The following PDCD6IP variants were observed in gnomAD, a reference collection of about 807,000 sequenced individuals.
PDCD6IP encodes programmed cell death 6-interacting protein.
In PDCD6IP, 43 loss-of-function variants were observed where a neutral mutation model predicts 103.7. The observed-to-expected ratio is 0.41, with a 90% confidence interval of 0.32 to 0.53. The LOEUF is 0.53. Among genes scored for constraint, PDCD6IP ranks in the 20% least tolerant of loss-of-function variants. PDCD6IP has a pLI of 0.16. For missense variants in PDCD6IP, 871 were observed against 1,036.7 expected (o/e 0.84, Z 2.20); for synonymous variants, 354 against 378.7 (o/e 0.93, Z 0.76).
At chr3:33,821,441 T>A (rs74680742) in intron 3 of PDCD6IP, among the ~76,000 whole-genome samples, 2 of 151,214 alleles carry the variant, frequency 1.3e-5, no homozygotes, top group African/African-American at 2.4e-5. Context: ...TTTTTTTTTT[T>A]AATCAGAGTT....
In PDCD6IP at chr3:33,865,315, G is replaced by C. The variant is rs116459194; in HGVS notation, c.2317G>C (p.Ala773Pro). 2.0e-4 allele frequency: 316 copies of C among 1,594,478 alleles called. 2 individuals carry two copies. The African/African-American group carries it at 3.3e-3, about 17-fold the overall frequency. The change falls in exon 17 of 18, where the codon GCT (alanine) becomes CCT (proline). Residue 773 changes from alanine to proline, a missense_variant. Physicochemically the swap from Ala to Pro is conservative, Grantham distance 27. Around this residue, in one of 5 missense-constraint regions of PDCD6IP, gnomAD observed 202 missense variants for 205.2 expected, o/e 0.98. Transcript: ENST00000307296. Reference protein sequence around the residue: ...LPANRAPSATAPSPVGAGTAA... With the variant: ...LPANRAPSATPPSPVGAGTAA... ...AGCAAATCGAGCTCCTTCTGCTACT[G>C]CTCCATCTCCAGTGGGGGCTGGGAC...
intron 7 of PDCD6IP, among the ~76,000 whole-genome samples, chr3:33,829,462 C>T (rs568274317): frequency 9.2e-5 from 14 of 151,634 alleles, no homozygotes; most frequent in Admixed American, 1.3e-4. Flanking sequence ...AACTTGAGGA[C>T]GACAGTGGAG....
At chr3:33,807,028 T>C (rs1696613911) in intron 1 of PDCD6IP, among the ~76,000 whole-genome samples, 1 of 152,236 alleles carries the variant, frequency 6.6e-6, no homozygotes, top group Non-Finnish European at 1.5e-5. Flanking sequence ...ATAGCCATTT[T>C]ACTTTGAGGG....
chr3:33,811,970 A>C, intron 1 of PDCD6IP, 102 bp from the exon 2 acceptor site: 1 of 1,403,752 alleles, frequency 7.1e-7, no homozygotes, highest in Non-Finnish European at 9.4e-7. Flanking sequence ...AGCTGCTCAA[A>C]GTAAGCATGA....
In PDCD6IP at chr3:33,799,087, G is replaced by T; in HGVS notation, c.209+150G>T. 1.6e-5 allele frequency: 12 copies of T among 769,230 alleles called. No individual in the cohort carries two copies. In the South Asian group the frequency reaches 2.3e-4, roughly 14 times the overall value. The allele number at this position is 769,230 out of a possible 1,614,324, so 47.7% of individuals were successfully genotyped here. On this transcript the variant is annotated intron_variant, in intron 1 of 17. Coordinates refer to ENST00000307296, the MANE Select transcript of PDCD6IP (RefSeq NM_013374.6). ...CGCGTAGGTGTGGTCTGCATTCTTT[G>T]CTGGTGAGCAGGACCCGCCCTGCAG...
chr3:33,825,307 G>A lies in PDCD6IP; in HGVS notation c.583G>A (p.Ala195Thr). 1 of 1,605,084 alleles carries A rather than the reference G, an allele frequency of 6.2e-7. No homozygotes were observed. The highest frequency in any genetic ancestry group is 8.5e-7 in the Non-Finnish European group (1 of 1,178,088). Residue 195 changes from alanine (A) to threonine (T), a missense_variant, in exon 5 of 18, where the codon GCT becomes ACT. By Grantham distance (58) the Ala-to-Thr change is moderately conservative. Coordinates refer to ENST00000307296, the MANE Select transcript of PDCD6IP (RefSeq NM_013374.6). Reference sequence around the variant, plus strand: ...CCTCAGTCTTATTATGCTGGCACAGGCTCAAGAAGTATTTTTTTTAAAAGC... The same window carrying A: ...CCTCAGTCTTATTATGCTGGCACAGACTCAAGAAGTATTTTTTTTAAAAGC... ...GTLSLIMLAQ[A>T]QEVFFLKATR...
At chr3:33,814,564 G>T (rs1204225057) in intron 3 of PDCD6IP, among the ~76,000 whole-genome samples, 7 of 139,182 alleles carry the variant, frequency 5.0e-5, no homozygotes, top group Non-Finnish European at 1.1e-4. Flanking sequence ...TATATTTCAT[G>T]TATATATGTA....
intron 7 of PDCD6IP, 42 bp from the exon 8 acceptor site, chr3:33,836,002 C>T: frequency 1.9e-6 from 2 of 1,066,182 alleles, no homozygotes; most frequent in Non-Finnish European, 2.8e-6. Context: ...ATAAAATCAC[C>T]TCCCTCTTTT....
At position 33,837,271 on chromosome 3, in the gene PDCD6IP, C is replaced by T. The variant is rs1697371186; in HGVS notation, c.1058-933C>T. On this transcript the variant is annotated intron_variant, in intron 8 of 17. Coordinates refer to ENST00000307296, the MANE Select transcript of PDCD6IP (RefSeq NM_013374.6). ...GAGTGGTATTTGTATGAGATAAATA[C>T]ATGTTATTATATTGTAGATGTATAC... Among the ~76,000 whole-genome samples, 3 of 152,148 alleles carry T rather than the reference C, an allele frequency of 2.0e-5. 1 individual carries two copies. In the South Asian group the frequency reaches 6.2e-4, roughly 31 times the overall value.
intron 1 of PDCD6IP, among the ~76,000 whole-genome samples, chr3:33,803,754 C>T (rs1696530234): frequency 6.6e-6 from 1 of 152,074 alleles, no homozygotes; most frequent in Non-Finnish European, 1.5e-5. Context: ...TTGTTTAAAA[C>T]CAAGGCTTTT....
intron 8 of PDCD6IP, among the ~76,000 whole-genome samples, chr3:33,837,420 A>G (rs1228198295): frequency 6.6e-6 from 1 of 152,206 alleles, no homozygotes; most frequent in African/African-American, 2.4e-5. Context: ...TAAGCACTTT[A>G]CAAATATTAG....
intron 1 of PDCD6IP, among the ~76,000 whole-genome samples, chr3:33,803,414 A>T (rs772135166): frequency 3.3e-5 from 5 of 152,100 alleles, no homozygotes; most frequent in Non-Finnish European, 7.4e-5. Flanking sequence ...GTTTTTGTTT[A>T]CTGGCCACTT....
chr3:33,838,129 A>G, intron 8 of PDCD6IP, 75 bp from the exon 9 acceptor site: 2 of 1,337,342 alleles, frequency 1.5e-6, no homozygotes, highest in South Asian at 1.2e-5. Flanking sequence ...TATTGGAAAG[A>G]AAATATAAAC....
chr3:33,855,993 G>A (rs953795048), intron 15 of PDCD6IP, among the ~76,000 whole-genome samples: 16 of 152,256 alleles, frequency 1.1e-4, no homozygotes, highest in East Asian at 3.9e-4. Context: ...GCAGACAGGC[G>A]GGCAGCTGGG....
chr3:33,832,728 C>T (rs748413733), intron 7 of PDCD6IP, among the ~76,000 whole-genome samples: 8 of 152,138 alleles, frequency 5.3e-5, no homozygotes, highest in Non-Finnish European at 8.8e-5. Context: ...GTTCATACTC[C>T]AGTTCCATAT....
intron 3 of PDCD6IP, among the ~76,000 whole-genome samples, chr3:33,820,941 G>A (rs1294624165): frequency 2.6e-5 from 4 of 152,084 alleles, no homozygotes; most frequent in South Asian, 2.1e-4. Flanking sequence ...GGATAAAATA[G>A]CAATTCTATT....
intron 12 of PDCD6IP, among the ~76,000 whole-genome samples, chr3:33,846,949 A>G (rs546790545): frequency 1.3e-5 from 2 of 152,314 alleles, no homozygotes; most frequent in African/African-American, 4.8e-5. Context: ...AGAGAAGGCT[A>G]CATAGTTGAA....
At position 33,844,207 on chromosome 3, in the gene PDCD6IP, T is replaced by C. The variant is rs1167036610; in HGVS notation, c.1455T>C (p.Tyr485=). The change falls in exon 11 of 18, where the codon TAT becomes TAC. Residue 485 remains tyrosine, a synonymous_variant. Transcript: ENST00000307296. ...AAAGGACACCATCCAATGAACTGTA[T>C]AAGCCTTTAAGAGCAGGTAAAAATG... ...RWQRTPSNEL[Y]KPLRAEGTNF... 6.4e-7 allele frequency: 1 copy of C among 1,558,852 alleles called. No homozygotes were observed. The highest frequency in any genetic ancestry group is 8.6e-7 in the Non-Finnish European group (1 of 1,159,324).
At chr3:33,835,558 A>G (rs955071251) in intron 7 of PDCD6IP, among the ~76,000 whole-genome samples, 6 of 152,170 alleles carry the variant, frequency 3.9e-5, no homozygotes, top group African/African-American at 1.2e-4. Context: ...GTCTACCAAA[A>G]CATACAAAAA....
Sources: allele counts gnomAD v4.1 joint callset (sites outside exome capture counted in the v4.1 genomes callset), GRCh38; gene constraint gnomAD v4.1.1; regional missense constraint gnomAD v4.1.1; transcripts MANE v1.5; gene names NCBI Gene and HGNC (gene_info 2026-07-23, HGNC 2026-07-21).